PYHIN1: variants seen among roughly 807,000 people sequenced by gnomAD.
The protein encoded by PYHIN1 is pyrin and HIN domain family member 1.
A neutral mutation model predicts 43.7 loss-of-function variants in PYHIN1; 32 were observed. That is an observed-to-expected ratio of 0.73 (90% CI 0.55 to 0.98). The LOEUF is 0.98. Ranked by LOEUF, PYHIN1 falls within the 50% of genes least tolerant of loss-of-function variation. PYHIN1 has a pLI of 0.00. For synonymous variants in PYHIN1, 205 were observed against 203.1 expected (o/e 1.01, Z -0.08); for missense variants, 588 against 589.5 (o/e 1.00, Z 0.03).
chr1:158,971,697 T>C (rs1213195990), intron 7 of PYHIN1, among the ~76,000 whole-genome samples: 1 of 152,004 alleles, frequency 6.6e-6, no homozygotes, highest in Non-Finnish European at 1.5e-5. Flanking sequence ...CTTTCATCCA[T>C]TTGGCTAACA....
Position 158,976,907 on chromosome 1 carries a change from T to TGG in PYHIN1, c.*212_*213insGG. Reference sequence around the variant, plus strand: ...ATATATATATATATATATATATATATATATATATACCAGCTATTAATTCTA... The same window carrying TGG: ...ATATATATATATATATATATATATATGGATATATATACCAGCTATTAATTCTA... On this transcript the variant is annotated 3_prime_UTR_variant, in exon 9 of 9. Coordinates refer to ENST00000368140, the MANE Select transcript of PYHIN1 (RefSeq NM_152501.5). 8.8e-6 allele frequency: 1 copy of TGG among 113,832 alleles called. No homozygotes were observed. 7.1% of individuals were successfully genotyped at this position (113,832 alleles called of 1,614,324 possible).
chr1:158,953,916 G>A (rs1431855937), intron 7 of PYHIN1, among the ~76,000 whole-genome samples: 2 of 140,232 alleles, frequency 1.4e-5, no homozygotes, highest in Non-Finnish European at 3.1e-5. Context: ...AGGAGCTGAT[G>A]GAGCTGAAAA....
At chr1:158,990,029 T>C in the PYHIN1 span, among the ~76,000 whole-genome samples, 1 of 152,232 alleles carries the variant, frequency 6.6e-6, no homozygotes, top group African/African-American at 2.4e-5. Flanking sequence ...AATGTGTGAA[T>C]GAGTGTATGG....
the PYHIN1 span, among the ~76,000 whole-genome samples, chr1:158,989,225 A>T: frequency 6.6e-6 from 1 of 152,122 alleles, no homozygotes; most frequent in Non-Finnish European, 1.5e-5. Flanking sequence ...ACCCATATTT[A>T]TTTTGATATT....
At chr1:158,941,857 C>T (rs1648933687) in intron 4 of PYHIN1, 120 bp from the exon 5 acceptor site, 2 of 861,310 alleles carry the variant, frequency 2.3e-6, no homozygotes, top group Non-Finnish European at 3.5e-6. Flanking sequence ...TATCCTGGCC[C>T]CAGCTCTACA....
chr1:158,934,250 G>A (rs990716208), intron 1 of PYHIN1, among the ~76,000 whole-genome samples: 7 of 152,124 alleles, frequency 4.6e-5, no homozygotes, highest in African/African-American at 1.7e-4. Flanking sequence ...GAATATTTGT[G>A]TTTAAGTGGA....
the PYHIN1 span, among the ~76,000 whole-genome samples, chr1:158,983,025 T>C: frequency 6.6e-6 from 1 of 152,148 alleles, no homozygotes; most frequent in Non-Finnish European, 1.5e-5. Context: ...GTTTATAATT[T>C]CTGGGAAATT....
chr1:158,975,720 G>C (rs1002147743), intron 8 of PYHIN1, among the ~76,000 whole-genome samples: 1 of 152,062 alleles, frequency 6.6e-6, no homozygotes, highest in Admixed American at 6.6e-5. Context: ...ATTCCCACAG[G>C]ACATCTAAGA....
intron 7 of PYHIN1, among the ~76,000 whole-genome samples, chr1:158,962,315 G>A (rs150620403): frequency 6.6e-6 from 1 of 152,148 alleles, no homozygotes; most frequent in Non-Finnish European, 1.5e-5. Flanking sequence ...GCTCCTAGAG[G>A]GAAAGGTAGG....
chr1:158,934,677 C>T (rs766182744), intron 1 of PYHIN1, among the ~76,000 whole-genome samples: 4 of 152,090 alleles, frequency 2.6e-5, no homozygotes, highest in African/African-American at 9.7e-5. Context: ...CTAAATTACA[C>T]AAGAGGTACA....
intron 7 of PYHIN1, among the ~76,000 whole-genome samples, chr1:158,966,789 T>C (rs1262651930): frequency 6.6e-6 from 1 of 152,050 alleles, no homozygotes; most frequent in Non-Finnish European, 1.5e-5. Flanking sequence ...GCACTCCCCT[T>C]GAAAACTGGA....
Position 158,968,625 on chromosome 1 carries a change from C to A in PYHIN1, c.1360-5022C>A, listed in dbSNP as rs139177548. On this transcript the variant is annotated intron_variant, in intron 7 of 8. Coordinates refer to ENST00000368140, the MANE Select transcript of PYHIN1 (RefSeq NM_152501.5). ...GCCCAAAGGAATATAAATTATTCTACCACAAAGACACATGCATGCATATGT... is the reference window on the plus strand; with the variant it reads ...GCCCAAAGGAATATAAATTATTCTAACACAAAGACACATGCATGCATATGT... Among the ~76,000 whole-genome samples the A allele has an allele frequency of 1.2e-4, 18 of 152,186 alleles. No homozygotes were observed. The East Asian group carries it at 3.5e-3, about 29-fold the overall frequency.
At chr1:158,952,108 G>GT (rs35079460) in intron 7 of PYHIN1, among the ~76,000 whole-genome samples, 34,962 of 117,926 alleles carry the variant, frequency 0.3, 5,868 homozygotes, top group Non-Finnish European at 0.38. Context: ...GCCTGTGTCG[G>GT]TTTTTTTTTT....
rs1557824298 is a variant in PYHIN1 at position 158,939,123 on chromosome 1, G to GT, written c.456dup (p.Lys153Ter). ...GAAGAAGAGACTGGAACCAAAAGGA[G>GT]TAAGATGTCCAAAGAGCAGACTCGG... On this transcript the variant is annotated frameshift_variant, in exon 4 of 9. Coordinates refer to ENST00000368140, the MANE Select transcript of PYHIN1 (RefSeq NM_152501.5). LOFTEE classifies it high-confidence loss of function. 5 of 1,611,520 alleles carry GT rather than the reference G, an allele frequency of 3.1e-6. No individual in the cohort carries two copies. The Middle Eastern group carries it at 6.6e-4, about 213-fold the overall frequency.
In PYHIN1 at chr1:158,933,503, T is replaced by G. The variant is rs1306547230; in HGVS notation, c.-21+1727T>G. On this transcript the variant is annotated intron_variant, in intron 1 of 8. Coordinates refer to ENST00000368140, the MANE Select transcript of PYHIN1 (RefSeq NM_152501.5). The surrounding 1 kb of genome is among the most constrained non-coding windows in gnomAD (Gnocchi z 6.3). ...TTTCTTCTAGTTTCTCCTTGCATGATAATTTAAATTTTTTTTCATCTTTCA... is the reference window on the plus strand; with the variant it reads ...TTTCTTCTAGTTTCTCCTTGCATGAGAATTTAAATTTTTTTTCATCTTTCA... Among the ~76,000 whole-genome samples, 1 of 152,028 alleles carries G rather than the reference T, an allele frequency of 6.6e-6. No individual in the cohort carries two copies. The highest frequency in any genetic ancestry group is 1.5e-5 in the Non-Finnish European group (1 of 67,920).
the PYHIN1 span, among the ~76,000 whole-genome samples, chr1:158,990,022 G>A: frequency 3.3e-5 from 5 of 152,170 alleles, no homozygotes; most frequent in African/African-American, 1.2e-4. Context: ...ATGCATAAAT[G>A]TGTGAATGAG....
intron 1 of PYHIN1, among the ~76,000 whole-genome samples, chr1:158,932,135 G>A (rs1648201031): frequency 6.6e-6 from 1 of 152,152 alleles, no homozygotes; most frequent in African/African-American, 2.4e-5. Flanking sequence ...TTTTATGGAT[G>A]CATAGTATTC....
intron 7 of PYHIN1, among the ~76,000 whole-genome samples, chr1:158,953,082 C>T (rs112042418): frequency 6.6e-6 from 1 of 152,158 alleles, no homozygotes; most frequent in African/African-American, 2.4e-5. Context: ...TTATATCCTG[C>T]ACCTGGCTCC....
downstream of PYHIN1, among the ~76,000 whole-genome samples, chr1:158,981,478 TAAAG>T (rs1362178456): frequency 6.6e-6 from 1 of 152,100 alleles, no homozygotes; most frequent in Non-Finnish European, 1.5e-5. Context: ...AATCAAAAGA[TAAAG>T]AAATAAATAA....
Sources: gnomAD v4.1 joint callset for allele counts (sites outside exome capture counted in the v4.1 genomes callset) on GRCh38, gnomAD v4.1.1 for gene constraint, Gnocchi (gnomAD v3.1) non-coding constraint, MANE v1.5 for transcripts, NCBI Gene and HGNC (gene_info 2026-07-23, HGNC 2026-07-21) for gene names.